Variants in MGAM observed in about 807,000 individuals in gnomAD.
MGAM encodes alpha-1,4-glucosidase.
MGAM carries 253 observed loss-of-function variants against 358.8 expected under a neutral mutation model. That is an observed-to-expected ratio of 0.71 (90% CI 0.64 to 0.78). The LOEUF is 0.78. Among genes scored for constraint, MGAM ranks in the 30% least tolerant of loss-of-function variants. The pLI is 0.00. For synonymous variants in MGAM, 1,105 were observed against 1,227.1 expected (o/e 0.90, Z 2.08); for missense variants, 3,080 against 3,432.6 (o/e 0.90, Z 2.57).
intron 7 of MGAM, among the ~76,000 whole-genome samples, chr7:142,023,430 CAT>C (rs111642860): frequency 2.4e-3 from 353 of 147,814 alleles, no homozygotes; most frequent in East Asian, 6.4e-3. Context: ...ATTTATTAGT[CAT>C]ATATATATAT....
intron 7 of MGAM, among the ~76,000 whole-genome samples, chr7:142,023,444 T>C (rs1165610132): frequency 1.3e-5 from 2 of 151,832 alleles, no homozygotes; most frequent in African/African-American, 4.8e-5. Flanking sequence ...TATATATATA[T>C]ATACACACAC....
chr7:142,088,648 ATCTG>A lies in MGAM; in HGVS notation c.6810+1939_6810+1942del, dbSNP rs1250592944. ...CTACTCAGGTTATATCTATCTTTCT[ATCTG>A]TCTGTCTATCTATCTATCTATCTAT... On this transcript the variant is annotated intron_variant, in intron 57 of 70. Transcript: ENST00000475668. Among the ~76,000 whole-genome samples the A allele has an allele frequency of 1.9e-3, 230 of 121,640 alleles. 19 individuals carry two copies. The highest frequency in any genetic ancestry group is 5.6e-3 in the East Asian group (22 of 3,898). 79.8% of individuals were successfully genotyped at this position (121,640 alleles called of 152,430 possible).
chr7:142,095,301 T>A (rs1267495304), intron 63 of MGAM, among the ~76,000 whole-genome samples: 1 of 152,248 alleles, frequency 6.6e-6, no homozygotes, highest in Non-Finnish European at 1.5e-5. Flanking sequence ...TTCTTTAGGT[T>A]ATTATTATGT....
At position 142,022,265 on chromosome 7, in the gene MGAM, T is replaced by C. The variant is rs1462908954; in HGVS notation, c.711-3T>C. ...CATCCTTGTGTTCTCCACCTGTGTC[T>C]AGGTTTGACTCGAGCATTGGGCCCC... On this transcript the variant is annotated splice_region_variant and splice_polypyrimidine_tract_variant and intron_variant, in intron 6 of 70. Coordinates refer to ENST00000475668, the MANE Select transcript of MGAM (RefSeq NM_001365693.1). 6.2e-7 allele frequency: 1 copy of C among 1,603,348 alleles called. No individual in the cohort carries two copies. Among genetic ancestry groups the C allele is most frequent in the Non-Finnish European group, 8.5e-7 (1 of 1,173,982 alleles).
chr7:142,076,163 G>T, intron 45 of MGAM, 40 bp from the exon 46 acceptor site: 1 of 1,458,428 alleles, frequency 6.9e-7, no homozygotes. Flanking sequence ...CTTCTGTGGT[G>T]GGCAAGCCGG....
chr7:142,022,496 C>G (rs1554459331), intron 7 of MGAM, 57 bp downstream of exon 7: 1 of 1,542,254 alleles, frequency 6.5e-7, no homozygotes, highest in Non-Finnish European at 8.8e-7. Flanking sequence ...TCTTAAAGGT[C>G]ACCTCTAGTA....
chr7:142,058,212 C>T lies in MGAM; in HGVS notation c.3703C>T (p.Arg1235Trp), dbSNP rs372381068. Residue 1235 changes from arginine (R) to tryptophan (W), a missense_variant, in exon 31 of 71, where the codon CGG (arginine) becomes TGG (tryptophan). Physicochemically the swap from Arg to Trp is moderately radical, Grantham distance 101. Around this residue, in one of 5 missense-constraint regions of MGAM, gnomAD observed 1,816 missense variants for 1,840.5 expected, o/e 0.99. Transcript: ENST00000475668. The part of the protein sequence containing the change: ...VTQQYTELIG[R>W]PVMVPYWSLG... ...TCTGTCTATTTTCTAGTTGATTGGC[C>T]GGCCTGTGATGGTACCTTACTGGTC... The T allele has an allele frequency of 1.4e-5, 22 of 1,613,666 alleles. No individual in the cohort carries two copies. Among genetic ancestry groups the T allele is most frequent in the African/African-American group, 2.7e-5 (2 of 74,864 alleles).
At chr7:142,046,584 G>A (rs768161165) in intron 21 of MGAM, among the ~76,000 whole-genome samples, 3 of 152,138 alleles carry the variant, frequency 2.0e-5, no homozygotes, top group Non-Finnish European at 2.9e-5. Flanking sequence ...TTTGCCACAC[G>A]GAGATTCTAG....
chr7:142,061,356 A>G (rs1191539771), intron 34 of MGAM, among the ~76,000 whole-genome samples: 2 of 151,958 alleles, frequency 1.3e-5, no homozygotes, highest in African/African-American at 2.4e-5. Context: ...GTTTCTGGTG[A>G]AAGGTTCTCT....
chr7:142,041,259 T>G (rs1434100721), intron 21 of MGAM, among the ~76,000 whole-genome samples: 1 of 152,126 alleles, frequency 6.6e-6, no homozygotes, highest in Non-Finnish European at 1.5e-5. Context: ...AAAAAATAGA[T>G]TCCATCTGTA....
intron 15 of MGAM, 68 bp from the exon 16 acceptor site, chr7:142,034,602 T>G: frequency 7.1e-7 from 1 of 1,409,444 alleles, no homozygotes; most frequent in Non-Finnish European, 9.8e-7. Context: ...TTTGTATTGT[T>G]GCTGTATCCC....
rs138692921 is a variant in MGAM, at chr7:142,080,525, G to A, written c.5848-266G>A. 1.0e-3 allele frequency among the ~76,000 whole-genome samples: 149 copies of A among 146,166 alleles called. 15 individuals are homozygous for A. Among genetic ancestry groups the A allele is most frequent in the East Asian group, 5.2e-3 (26 of 4,962 alleles). On this transcript the variant is annotated intron_variant, in intron 49 of 70. Coordinates refer to ENST00000475668, the MANE Select transcript of MGAM (RefSeq NM_001365693.1). ...CAAGTAACATATTCATAAATACCAC[G>A]CTGATTCCAGAATGATTTTCTACGT... is the stretch of plus-strand genomic sequence containing the variant.
chr7:142,046,597 T>G (rs1810439864), intron 21 of MGAM, among the ~76,000 whole-genome samples: 1 of 152,092 alleles, frequency 6.6e-6, no homozygotes, highest in South Asian at 2.1e-4. Context: ...GATTCTAGGT[T>G]TTGCTTACTA....
Position 142,055,216 on chromosome 7 carries a change from C to T in MGAM, c.3314+308C>T, listed in dbSNP as rs377715621. On this transcript the variant is annotated intron_variant, in intron 27 of 70. Coordinates refer to ENST00000475668, the MANE Select transcript of MGAM (RefSeq NM_001365693.1). ...ATGACAACAAATAATAAGTAAATAT[C>T]ACTTTGAGTGCTATGTAGAAAATGG... is the stretch of plus-strand genomic sequence containing the variant. 2.5e-3 allele frequency among the ~76,000 whole-genome samples: 379 copies of T among 152,210 alleles called. 18 individuals are homozygous for T. The South Asian group carries it at 0.074, about 30-fold the overall frequency.
chr7:142,093,873 G>A (rs1278738624), intron 60 of MGAM, among the ~76,000 whole-genome samples: 2 of 145,638 alleles, frequency 1.4e-5, no homozygotes, highest in Admixed American at 6.9e-5. Flanking sequence ...GAGGTGAAGG[G>A]AACACAGAGG....
chr7:142,022,003 G>A (rs1806507430), intron 6 of MGAM, among the ~76,000 whole-genome samples: 1 of 151,606 alleles, frequency 6.6e-6, no homozygotes, highest in African/African-American at 2.4e-5. Flanking sequence ...AATATTTACT[G>A]AACATCTCCT....
intron 55 of MGAM, 48 bp downstream of exon 55, chr7:142,086,009 G>GT: frequency 6.5e-7 from 1 of 1,539,418 alleles, no homozygotes; most frequent in Non-Finnish European, 8.9e-7. Context: ...GCAGGTATGG[G>GT]TTTTGTTGGA....
intron 8 of MGAM, among the ~76,000 whole-genome samples, chr7:142,026,889 C>T (rs1554461105): frequency 6.6e-6 from 1 of 152,108 alleles, no homozygotes; most frequent in African/African-American, 2.4e-5. Flanking sequence ...CTAAGACACT[C>T]CAGTCAGTAT....
chr7:142,027,756 T>G (rs781902681), intron 10 of MGAM, 21 bp downstream of exon 10: 49 of 1,532,254 alleles, frequency 3.2e-5, no homozygotes, highest in Non-Finnish European at 4.2e-5. Flanking sequence ...TTTTCAACAG[T>G]TCTCCAAAAG....
Sources: allele counts gnomAD v4.1 joint callset (sites outside exome capture counted in the v4.1 genomes callset), GRCh38; gene constraint gnomAD v4.1.1; regional missense constraint gnomAD v4.1.1; transcripts MANE v1.5; gene names NCBI Gene and HGNC (gene_info 2026-07-23, HGNC 2026-07-21).